The following RBFOX1 variants were observed in gnomAD, a reference collection of about 807,000 sequenced individuals.
RBFOX1 encodes RNA binding fox-1 homolog 1, also known as RNA binding protein fox-1 homolog 1.
Under a neutral mutation model 57.7 loss-of-function variants are expected in RBFOX1, and 8 were observed. The ratio of observed to expected loss-of-function variants is 0.14; its 90% CI spans 0.08 to 0.25. The LOEUF is 0.25. RBFOX1 is among the 10% of genes least tolerant of loss of function. RBFOX1 has a pLI of 1.00. For synonymous variants in RBFOX1, 326 were observed against 222.4 expected (o/e 1.47, Z -4.15); for missense variants, 611 against 548.5 (o/e 1.11, Z -1.14).
intron 2 of RBFOX1, among the ~76,000 whole-genome samples, chr16:6,501,044 C>T (rs1485934326): frequency 2.0e-5 from 3 of 151,550 alleles, no homozygotes; most frequent in Non-Finnish European, 2.9e-5. Flanking sequence ...GTCTCACTGC[C>T]CATGGGAGTC....
intron 4 of RBFOX1, among the ~76,000 whole-genome samples, chr16:7,327,178 C>T (rs2096622530): frequency 6.6e-6 from 1 of 151,928 alleles, no homozygotes; most frequent in Non-Finnish European, 1.5e-5. Context: ...TTGACTTAGG[C>T]CAACAAGATT....
chr16:5,708,347 A>G (rs916969760), intron 3 of RBFOX1, among the ~76,000 whole-genome samples: 1 of 152,166 alleles, frequency 6.6e-6, no homozygotes, highest in Non-Finnish European at 1.5e-5. Flanking sequence ...CTGCCTCTCA[A>G]ATTCATTTTG....
intron 3 of RBFOX1, among the ~76,000 whole-genome samples, chr16:7,026,052 C>T (rs535264551): frequency 2.0e-5 from 3 of 152,158 alleles, no homozygotes; most frequent in Non-Finnish European, 4.4e-5. Context: ...AACAAAAGGA[C>T]TAGCGCAGCT....
At chr16:6,415,300 A>T (rs1054993430) in intron 2 of RBFOX1, among the ~76,000 whole-genome samples, 2 of 151,708 alleles carry the variant, frequency 1.3e-5, no homozygotes, top group Admixed American at 6.6e-5. Context: ...ACAGTGTAAC[A>T]GGGTACTAGT....
chr16:6,985,273 T>C (rs1010059710), intron 3 of RBFOX1, among the ~76,000 whole-genome samples: 3 of 152,194 alleles, frequency 2.0e-5, no homozygotes, highest in Admixed American at 6.5e-5. Context: ...AGGGAATATA[T>C]CTTATGTTTT....
intron 3 of RBFOX1, among the ~76,000 whole-genome samples, chr16:6,836,822 A>G (rs897427670): frequency 1.3e-5 from 2 of 152,240 alleles, no homozygotes; most frequent in Admixed American, 1.3e-4. Context: ...TAAAAAATCA[A>G]GTAAATATTA....
intron 3 of RBFOX1, among the ~76,000 whole-genome samples, chr16:6,738,550 C>T (rs770484243): frequency 6.6e-6 from 1 of 152,146 alleles, no homozygotes; most frequent in African/African-American, 2.4e-5. Context: ...TTGTAAACCT[C>T]AACATCCATC....
At chr16:7,081,083 G>A (rs1246531918) in intron 4 of RBFOX1, among the ~76,000 whole-genome samples, 2 of 152,158 alleles carry the variant, frequency 1.3e-5, no homozygotes, top group African/African-American at 2.4e-5. Flanking sequence ...CACCAAGGCT[G>A]GAGTGCAGTG....
At chr16:7,219,464 G>C (rs1024102009) in intron 4 of RBFOX1, among the ~76,000 whole-genome samples, 2 of 152,148 alleles carry the variant, frequency 1.3e-5, no homozygotes, top group Non-Finnish European at 2.9e-5. Flanking sequence ...CTCCAACCGT[G>C]TTCATTTATA....
chr16:5,643,538 C>G (rs2048949632), intron 3 of RBFOX1, among the ~76,000 whole-genome samples: 1 of 152,112 alleles, frequency 6.6e-6, no homozygotes, highest in Non-Finnish European at 1.5e-5. Flanking sequence ...GATGTGTACC[C>G]CACATTGATT....
chr16:5,576,940 T>C lies in RBFOX1; in HGVS notation c.259-21962T>C, dbSNP rs556434386. Among the ~76,000 whole-genome samples the C allele has an allele frequency of 6.0e-4, 91 of 152,334 alleles. 3 individuals carry two copies. The South Asian group carries it at 0.018, about 30-fold the overall frequency. On this transcript the variant is annotated intron_variant, in intron 2 of 2. Transcript: ENST00000585867. ...GCTTATTACAGCACTTGGGCCAAGATTAAAGAGGAGTTAAGCCGTCAATAT... is the reference window on the plus strand; with the variant it reads ...GCTTATTACAGCACTTGGGCCAAGACTAAAGAGGAGTTAAGCCGTCAATAT...
At chr16:6,210,670 C>G (rs1487664704) in intron 1 of RBFOX1, among the ~76,000 whole-genome samples, 1 of 151,880 alleles carries the variant, frequency 6.6e-6, no homozygotes, top group Non-Finnish European at 1.5e-5. Flanking sequence ...CTGCATTGAG[C>G]TGTGATTGTG....
At chr16:5,672,105 T>A (rs2050028903) in intron 3 of RBFOX1, among the ~76,000 whole-genome samples, 1 of 152,156 alleles carries the variant, frequency 6.6e-6, no homozygotes, top group Non-Finnish European at 1.5e-5. Flanking sequence ...TTTATGTCTC[T>A]TGGTATGTTT....
At chr16:6,353,989 G>A (rs537124381) in intron 2 of RBFOX1, among the ~76,000 whole-genome samples, 62 of 152,206 alleles carry the variant, frequency 4.1e-4, no homozygotes, top group Admixed American at 1.1e-3. Flanking sequence ...GGACGCCAAG[G>A]CCGGTGGATC....
rs999700342 is a variant in RBFOX1 at position 7,212,769 on chromosome 16, A to G, written c.27+160671A>G. Reference sequence around the variant, plus strand: ...AGGTTGATAGGTGCAGCAAACCACCATGGCACATGTATACCTATGTAACAA... The same window carrying G: ...AGGTTGATAGGTGCAGCAAACCACCGTGGCACATGTATACCTATGTAACAA... On this transcript the variant is annotated intron_variant, in intron 4 of 15. Transcript: ENST00000550418. Among the ~76,000 whole-genome samples the G allele has an allele frequency of 5.3e-5, 8 of 152,242 alleles. No individual in the cohort carries two copies. In the South Asian group the frequency reaches 1.7e-3, roughly 31 times the overall value.
At chr16:6,503,096 C>G (rs569527663) in intron 2 of RBFOX1, among the ~76,000 whole-genome samples, 1 of 152,166 alleles carries the variant, frequency 6.6e-6, no homozygotes, top group South Asian at 2.1e-4. Flanking sequence ...CTCAACAGAC[C>G]TAAGAAACTA....
At chr16:7,701,195 C>T (rs978384437) in intron 14 of RBFOX1, among the ~76,000 whole-genome samples, 17 of 145,338 alleles carry the variant, frequency 1.2e-4, no homozygotes, top group African/African-American at 4.3e-4. Flanking sequence ...TCCATGTTAT[C>T]TTGGAGCATT....
chr16:6,251,335 T>C (rs2097609560), intron 1 of RBFOX1, among the ~76,000 whole-genome samples: 1 of 152,090 alleles, frequency 6.6e-6, no homozygotes, highest in Admixed American at 6.5e-5. Context: ...GTGACATGGG[T>C]ACCATTATTA....
intron 1 of RBFOX1, among the ~76,000 whole-genome samples, chr16:5,340,390 G>A (rs144233879): frequency 2.0e-5 from 3 of 152,286 alleles, no homozygotes; most frequent in African/African-American, 7.2e-5. Context: ...ATCATTAGTT[G>A]AGGTCTTCTG....
Sources: gnomAD v4.1 joint callset for allele counts (sites outside exome capture counted in the v4.1 genomes callset) on GRCh38, gnomAD v4.1.1 for gene constraint, MANE v1.5 for transcripts, NCBI Gene and HGNC (gene_info 2026-07-23, HGNC 2026-07-21) for gene names.